The following ZNF479 variants were observed in gnomAD, a reference collection of about 807,000 sequenced individuals.
ZNF479 encodes zinc finger protein 479, also known as KRAB zinc finger protein KR19.
A neutral mutation model predicts 14.7 loss-of-function variants in ZNF479; 15 were observed. That is an observed-to-expected ratio of 1.02 (90% confidence interval 0.68 to 1.57). The LOEUF is 1.57. Among genes scored for constraint, ZNF479 ranks in the 40% most tolerant of loss-of-function variants. The pLI is 0.00. For missense variants in ZNF479, 506 were observed against 615.1 expected, an observed-to-expected ratio of 0.82 and a Z score of 1.88; for synonymous variants, 145 against 211.5, an observed-to-expected ratio of 0.69 and a Z score of 2.73.
chr7:57,138,006 G>A (rs1786722832), intron 1 of ZNF479, among the ~76,000 whole-genome samples: 1 of 152,200 alleles, frequency 6.6e-6, no homozygotes, highest in Non-Finnish European at 1.5e-5. Context: ...CGTGTTTACA[G>A]GGTGGATTGT....
chr7:57,129,590 T>C (rs1786330234), intron 1 of ZNF479, among the ~76,000 whole-genome samples: 1 of 152,278 alleles, frequency 6.6e-6, no homozygotes, highest in African/African-American at 2.4e-5. Flanking sequence ...AATCTGCACC[T>C]GGGAAACCTG....
intron 1 of ZNF479, among the ~76,000 whole-genome samples, chr7:57,131,917 G>A (rs1187622965): frequency 7.2e-5 from 11 of 152,076 alleles, no homozygotes; most frequent in Non-Finnish European, 1.2e-4. Context: ...GAGGAACTAA[G>A]GACCCCAGGA....
At chr7:57,130,703 A>G (rs1474876330) in intron 1 of ZNF479, among the ~76,000 whole-genome samples, 2 of 152,242 alleles carry the variant, frequency 1.3e-5, no homozygotes, top group African/African-American at 4.8e-5. Context: ...GCAGTTTGGC[A>G]TTTTGACAAA....
In ZNF479 at chr7:57,121,021, C is replaced by A. The variant is rs546084594; in HGVS notation, c.394G>T (p.Val132Leu). Reference protein sequence around the residue: ...KLQFKKCCKSVGEYEVHKGGY... With the variant: ...KLQFKKCCKSLGEYEVHKGGY... ...CCCTTGTGCACCTCATATTCACCCA[C>A]ACTTTTACAGCATTTTTTAAATTGT... is the stretch of plus-strand genomic sequence containing the variant. Residue 132 changes from valine to leucine, a missense_variant, in exon 4 of 4, where the codon GTG (valine) becomes TTG (leucine). By Grantham distance (32) the Val-to-Leu change is conservative. Transcript: ENST00000319636. The A allele has an allele frequency of 6.2e-7, 1 of 1,614,024 alleles. No individual in the cohort carries two copies. Among genetic ancestry groups the A allele is most frequent in the East Asian group, 2.2e-5 (1 of 44,844 alleles).
upstream of ZNF479, among the ~76,000 whole-genome samples, chr7:57,132,672 C>A (rs1786489344): frequency 6.6e-6 from 1 of 152,146 alleles, no homozygotes; most frequent in Non-Finnish European, 1.5e-5. Flanking sequence ...AGGATATTTG[C>A]ATTTAACCTT....
At chr7:57,125,036 C>A (rs6954213) in intron 3 of ZNF479, among the ~76,000 whole-genome samples, 1 of 151,220 alleles carries the variant, frequency 6.6e-6, no homozygotes, top group Non-Finnish European at 1.5e-5. Flanking sequence ...GCACCATTGC[C>A]CTTGTTGCCT....
chr7:57,136,394 T>A (rs114830378), upstream of ZNF479, among the ~76,000 whole-genome samples: 23,084 of 150,176 alleles, frequency 0.15, 1,789 homozygotes, highest in Admixed American at 0.19. Context: ...AAAAAAAAAA[T>A]ACCCCCAAAG....
At chr7:57,136,932 T>C (rs1304116648), upstream of ZNF479, among the ~76,000 whole-genome samples, 2 of 152,060 alleles carry the variant, frequency 1.3e-5, no homozygotes, top group Admixed American at 1.3e-4. Flanking sequence ...TAAAGCTTAT[T>C]GGTTTCAGGA....
intron 3 of ZNF479, among the ~76,000 whole-genome samples, chr7:57,123,911 A>C (rs1036536096): frequency 6.6e-6 from 1 of 151,882 alleles, no homozygotes; most frequent in African/African-American, 2.4e-5. Context: ...AAAGAAAAAA[A>C]GTAATACTGG....
At chr7:57,125,440 T>C (rs1157379958) in intron 3 of ZNF479, among the ~76,000 whole-genome samples, 1 of 151,348 alleles carries the variant, frequency 6.6e-6, no homozygotes, top group Non-Finnish European at 1.5e-5. Context: ...AATGAAGACA[T>C]AAAAGGTACC....
rs1785907760 is a variant in ZNF479 at position 57,120,881 on chromosome 7, T to C, written c.534A>G (p.Arg178=). 1 of 1,613,824 alleles carries C rather than the reference T, an allele frequency of 6.2e-7. No individual in the cohort carries two copies. Among genetic ancestry groups the C allele is most frequent in the Non-Finnish European group, 8.5e-7 (1 of 1,179,950 alleles). The change falls in exon 4 of 4, where the codon AGA becomes AGG. Residue 178 remains arginine (R), a synonymous_variant. Coordinates refer to ENST00000319636, the MANE Select transcript of ZNF479 (RefSeq NM_001370129.2). ...KFSNSNRDKT[R]YTGNKHFKCN... ...ATTTGAAATGTTTATTTCCAGTATATCTTGTTTTATCTCTATTGGAATTTG... is the reference window on the plus strand; with the variant it reads ...ATTTGAAATGTTTATTTCCAGTATACCTTGTTTTATCTCTATTGGAATTTG...
At chr7:57,139,067 A>G (rs1170069834) in intron 1 of ZNF479, among the ~76,000 whole-genome samples, 2 of 152,252 alleles carry the variant, frequency 1.3e-5, no homozygotes, top group African/African-American at 4.8e-5. Context: ...AATGTCTCAA[A>G]GCAGATTGTG....
upstream of ZNF479, among the ~76,000 whole-genome samples, chr7:57,134,835 C>T (rs563956409): frequency 1.4e-3 from 213 of 152,022 alleles, no homozygotes; most frequent in African/African-American, 4.6e-3. Context: ...CCACCATGCC[C>T]GGCTAATTTT....
At chr7:57,138,054 T>TAA in intron 1 of ZNF479, among the ~76,000 whole-genome samples, 1 of 152,284 alleles carries the variant, frequency 6.6e-6, no homozygotes, top group South Asian at 2.1e-4. Context: ...AGATGTGACT[T>TAA]TTATTGACAG....
chr7:57,136,081 C>T (rs9691787), upstream of ZNF479, among the ~76,000 whole-genome samples: 135,181 of 151,516 alleles, frequency 0.89, 60,584 homozygotes, highest in East Asian at 0.99. Flanking sequence ...TTGAAACTTC[C>T]AGTCAGAAGT....
At chr7:57,125,908 A>G (rs1421647048) in intron 3 of ZNF479, 110 bp downstream of exon 3, 1 of 1,439,906 alleles carries the variant, frequency 6.9e-7, no homozygotes, top group African/African-American at 1.4e-5. Context: ...AGCTTCTCAG[A>G]AACTCTTTTC....
chr7:57,122,989 C>A (rs1786016528), intron 3 of ZNF479, among the ~76,000 whole-genome samples: 1 of 151,784 alleles, frequency 6.6e-6, no homozygotes, highest in African/African-American at 2.4e-5. Flanking sequence ...AATAAAAAAT[C>A]AATTAAAAAA....
intron 1 of ZNF479, among the ~76,000 whole-genome samples, chr7:57,128,722 C>CA (rs959923735): frequency 2.6e-5 from 4 of 152,006 alleles, no homozygotes; most frequent in African/African-American, 7.2e-5. Context: ...ATAAAAATCA[C>CA]AAAAAATAGT....
In ZNF479 at chr7:57,120,290, A is replaced by T. The variant is rs146543279; in HGVS notation, c.1125T>A (p.His375Gln). Reference sequence around the variant, plus strand: ...CACATGTGTAGGGTTTCTCTCCAGTATGAATTCTCCTATGTCTCATAAGGT... The same window carrying T: ...CACATGTGTAGGGTTTCTCTCCAGTTTGAATTCTCCTATGTCTCATAAGGT... ...SSNLMRHRRIHTGEKPYTCEE... is the reference protein window; with the variant it reads ...SSNLMRHRRIQTGEKPYTCEE... The change falls in exon 4 of 4, where the codon CAT becomes CAA. Residue 375 changes from histidine (H) to glutamine (Q), a missense_variant. By Grantham distance (24) the His-to-Gln change is conservative (BLOSUM62 0). Transcript: ENST00000319636. 1,060 of 1,609,398 alleles carry T rather than the reference A, an allele frequency of 6.6e-4. 12 individuals carry two copies. In the African/African-American group the frequency reaches 0.012, roughly 18 times the overall value.
Sources: gnomAD v4.1 joint callset for allele counts (sites outside exome capture counted in the v4.1 genomes callset) on GRCh38, gnomAD v4.1.1 for gene constraint, MANE v1.5 for transcripts, NCBI Gene and HGNC (gene_info 2026-07-23, HGNC 2026-07-21) for gene names.